The following NCK2 variants were observed in gnomAD, a reference collection of about 807,000 sequenced individuals.
NCK2 encodes NCK adaptor protein 2.
NCK2 carries 16 observed loss-of-function variants against 33.9 expected under a neutral mutation model. That is an observed-to-expected ratio of 0.47 (90% confidence interval 0.32 to 0.72). NCK2 has a LOEUF of 0.72. Among genes scored for constraint, NCK2 ranks in the 30% least tolerant of loss-of-function variants. The pLI is 0.03. For missense variants in NCK2, 418 were observed against 537.3 expected (o/e 0.78, Z 2.19); for synonymous variants, 273 against 239.9 (o/e 1.14, Z -1.27).
At position 105,744,925 on chromosome 2, in the gene NCK2, G is replaced by C. The variant is rs1489032326; in HGVS notation, c.-414G>C. 6.8e-6 allele frequency: 1 copy of C among 146,220 alleles called. No homozygotes were observed. Among genetic ancestry groups the C allele is most frequent in the African/African-American group, 2.5e-5 (1 of 40,734 alleles). The allele number at this position is 146,220 out of a possible 1,614,324, so 9.1% of individuals were successfully genotyped here. A position where few individuals can be genotyped will look rare whatever the true frequency, so the allele number is the denominator to read the frequency against. On this transcript the variant is annotated 5_prime_UTR_variant, in exon 1 of 5. Transcript: ENST00000233154. ...GCGGGGATCGTCAGGCCGGAGCCGC[G>C]CGGCCGAGCGGGCGGCGGGCGGAGG...
intron 2 of NCK2, among the ~76,000 whole-genome samples, chr2:105,852,384 G>C (rs1445921133): frequency 3.3e-5 from 5 of 152,154 alleles, no homozygotes; most frequent in South Asian, 2.1e-4. Flanking sequence ...CCCATCTAAG[G>C]CTCGGAAGAA....
At chr2:105,807,896 T>TCTCC (rs1189165674) in intron 1 of NCK2, among the ~76,000 whole-genome samples, 1 of 130,656 alleles carries the variant, frequency 7.7e-6, no homozygotes, top group Admixed American at 7.8e-5. Context: ...TCTCTCTATC[T>TCTCC]CTCTCTCTTT....
intron 1 of NCK2, among the ~76,000 whole-genome samples, chr2:105,765,114 G>A (rs1002324267): frequency 7.9e-5 from 12 of 151,866 alleles, no homozygotes; most frequent in African/African-American, 2.7e-4. Flanking sequence ...TTGCCATAAC[G>A]CCCTTACAAA....
rs771183263 is a variant in NCK2, at chr2:105,881,676, A to C, written c.575A>C (p.Gln192Pro). The C allele has an allele frequency of 2.5e-6, 4 of 1,613,702 alleles. No individual in the cohort carries two copies. The highest frequency in any genetic ancestry group is 3.4e-6 in the Non-Finnish European group (4 of 1,179,740). ...AAGGGCGCCTCGCTGAGCAATGGCC[A>C]GGGCTCCCGCGTGCTGCATGTGGTC... ...LRKGASLSNG[Q>P]GSRVLHVVQT... is the part of the protein sequence containing the mutation. Residue 192 changes from glutamine (Q) to proline (P), a missense_variant, in exon 4 of 5, where the codon CAG (glutamine) becomes CCG (proline). By Grantham distance (76) the Gln-to-Pro change is moderately conservative (BLOSUM62 -1). Transcript: ENST00000233154.
chr2:105,840,206 AAG>A (rs1282350708), intron 2 of NCK2, among the ~76,000 whole-genome samples: 1 of 152,158 alleles, frequency 6.6e-6, no homozygotes, highest in African/African-American at 2.4e-5. Context: ...ATGATCCAGA[AAG>A]ACACAGTAGC....
At chr2:105,745,852 A>G (rs1689269037) in intron 1 of NCK2, 1 of 152,178 alleles carries the variant, frequency 6.6e-6, no homozygotes, top group Non-Finnish European at 1.5e-5. Flanking sequence ...TTTCAGGGCG[A>G]TTTAATCACC....
intron 2 of NCK2, among the ~76,000 whole-genome samples, chr2:105,822,714 T>C (rs1675791053): frequency 6.6e-6 from 1 of 152,050 alleles, no homozygotes; most frequent in Non-Finnish European, 1.5e-5. Flanking sequence ...TTTCCTTAGA[T>C]AGAAACTGAA....
chr2:105,832,538 A>C (rs947661427), intron 2 of NCK2, among the ~76,000 whole-genome samples: 3 of 152,180 alleles, frequency 2.0e-5, no homozygotes, highest in Non-Finnish European at 1.5e-5. Context: ...ATGGTTTTCT[A>C]CATTTATCGA....
In NCK2 at chr2:105,768,907, C is replaced by T. The variant is rs184625057; in HGVS notation, c.-201+23769C>T. ...GTGCACCATCCCAATGAGTTCATGA[C>T]GTGGAGGCTCCCCACATCCCATTTT... On this transcript the variant is annotated intron_variant, in intron 1 of 4. Coordinates refer to ENST00000233154, the MANE Select transcript of NCK2 (RefSeq NM_003581.5). 1.8e-3 allele frequency among the ~76,000 whole-genome samples: 273 copies of T among 152,308 alleles called. 1 individual carries two copies. The highest frequency in any genetic ancestry group is 6.8e-3 in the Middle Eastern group (2 of 294).
At chr2:105,836,977 G>C (rs1436770620) in intron 2 of NCK2, among the ~76,000 whole-genome samples, 1 of 152,198 alleles carries the variant, frequency 6.6e-6, no homozygotes, top group South Asian at 2.1e-4. Context: ...GGCTAAGATT[G>C]TAGGCATCTG....
intron 1 of NCK2, among the ~76,000 whole-genome samples, chr2:105,755,958 T>C (rs1190740430): frequency 6.6e-6 from 1 of 152,216 alleles, no homozygotes; most frequent in African/African-American, 2.4e-5. Context: ...ACTAAAAATA[T>C]CACAAATTAG....
intron 1 of NCK2, among the ~76,000 whole-genome samples, chr2:105,765,231 C>A (rs550839974): frequency 2.0e-5 from 3 of 152,324 alleles, no homozygotes; most frequent in African/African-American, 7.2e-5. Context: ...TTGGATTGAT[C>A]TATTCTAGAG....
chr2:105,848,086 T>C (rs1260692202), intron 2 of NCK2, among the ~76,000 whole-genome samples: 2 of 152,232 alleles, frequency 1.3e-5, no homozygotes, highest in African/African-American at 4.8e-5. Flanking sequence ...GTTCAAGCCA[T>C]TGAGCCTAGT....
At chr2:105,751,964 C>A (rs994546946) in intron 1 of NCK2, among the ~76,000 whole-genome samples, 3 of 152,164 alleles carry the variant, frequency 2.0e-5, no homozygotes, top group Non-Finnish European at 4.4e-5. Flanking sequence ...AATTTTCATC[C>A]TATATTTTGC....
At chr2:105,879,968 C>T (rs879022783) in intron 3 of NCK2, among the ~76,000 whole-genome samples, 7 of 152,206 alleles carry the variant, frequency 4.6e-5, no homozygotes, top group Admixed American at 4.6e-4. Context: ...TGGGAGCACT[C>T]ATCTCTCAGG....
At chr2:105,753,252 C>T (rs1310854153) in intron 1 of NCK2, among the ~76,000 whole-genome samples, 2 of 152,102 alleles carry the variant, frequency 1.3e-5, no homozygotes, top group Admixed American at 6.5e-5. Context: ...TGGGGAAGGC[C>T]CTGGACTTTG....
chr2:105,871,975 A>G (rs186811014), intron 3 of NCK2, among the ~76,000 whole-genome samples: 1 of 152,318 alleles, frequency 6.6e-6, no homozygotes. Context: ...TTGGTGCCCA[A>G]AAGGGACATG....
At chr2:105,892,177 T>G (rs1679013966) in intron 4 of NCK2, among the ~76,000 whole-genome samples, 1 of 151,254 alleles carries the variant, frequency 6.6e-6, no homozygotes, top group South Asian at 2.1e-4. Flanking sequence ...AAAGCAAAAC[T>G]GCGTCTCAAA....
intron 1 of NCK2, among the ~76,000 whole-genome samples, chr2:105,801,418 C>CT (rs79973949): frequency 9.8e-4 from 142 of 145,404 alleles, no homozygotes; most frequent in Middle Eastern, 3.6e-3. Flanking sequence ...GTGCTTTTTT[C>CT]TTTTTTTTTT....
Sources: allele counts gnomAD v4.1 joint callset (sites outside exome capture counted in the v4.1 genomes callset), GRCh38; gene constraint gnomAD v4.1.1; transcripts MANE v1.5; gene names NCBI Gene and HGNC (gene_info 2026-07-23, HGNC 2026-07-21).